The following SLC12A8 variants were observed in gnomAD, a reference collection of about 807,000 sequenced individuals.
SLC12A8 encodes cation-chloride cotransporter 9.
SLC12A8 carries 69 observed loss-of-function variants against 75.6 expected under a neutral mutation model. That is an observed-to-expected ratio of 0.91 (90% CI 0.75 to 1.11). SLC12A8 has a LOEUF of 1.11. SLC12A8 is among the 50% of genes most tolerant of loss of function. The probability of loss-of-function intolerance (pLI) is 0.00; values close to 1 mark genes in which losing one functional copy is unlikely to be tolerated. For missense variants in SLC12A8, 877 were observed against 896.7 expected (o/e 0.98, Z 0.28); for synonymous variants, 365 against 372.8 (o/e 0.98, Z 0.24).
chr3:125,138,357 C>G (rs1933545109), intron 5 of SLC12A8, among the ~76,000 whole-genome samples: 1 of 152,118 alleles, frequency 6.6e-6, no homozygotes, highest in Admixed American at 6.5e-5. Context: ...GCCAAGATTG[C>G]ACCACTGCAG....
intron 2 of SLC12A8, among the ~76,000 whole-genome samples, chr3:125,194,766 C>T (rs965586431): frequency 6.6e-6 from 1 of 152,246 alleles, no homozygotes; most frequent in African/African-American, 2.4e-5. Context: ...TCCCAAAGTG[C>T]ACCTGCAGAG....
At chr3:125,196,404 T>C (rs1935009421) in intron 2 of SLC12A8, among the ~76,000 whole-genome samples, 1 of 152,216 alleles carries the variant, frequency 6.6e-6, no homozygotes, top group South Asian at 2.1e-4. Context: ...AATTACCAAT[T>C]CTAAATCTGC....
chr3:125,104,408 C>T (rs1001053661), intron 10 of SLC12A8, among the ~76,000 whole-genome samples: 5 of 151,134 alleles, frequency 3.3e-5, no homozygotes, highest in Non-Finnish European at 7.4e-5. Context: ...CATGTCCAGC[C>T]TCAGAAAAAA....
intron 5 of SLC12A8, among the ~76,000 whole-genome samples, chr3:125,163,815 A>G (rs1214603286): frequency 1.3e-5 from 2 of 152,214 alleles, no homozygotes; most frequent in Non-Finnish European, 2.9e-5. Flanking sequence ...CCAAGGATGC[A>G]GAGGGCTGGG....
At chr3:125,130,967 C>T (rs752931850) in intron 6 of SLC12A8, among the ~76,000 whole-genome samples, 2 of 152,222 alleles carry the variant, frequency 1.3e-5, no homozygotes, top group Non-Finnish European at 2.9e-5. Flanking sequence ...TAAATGCTAA[C>T]CTGGTATCTT....
In SLC12A8 at chr3:125,108,057, CA is replaced by C; in HGVS notation, c.1128del (p.Phe376LeufsTer5). ...LTSLVTMAFV[F>X]VGQVNVLAPI... is the part of the protein sequence containing the mutation. Reference sequence around the variant, plus strand: ...GGGGCCAGAACGTTCACTTGACCCACAAAAACAAAGGCCATGGTCACCAAGC... The same window carrying C: ...GGGGCCAGAACGTTCACTTGACCCACAAAACAAAGGCCATGGTCACCAAGC... On this transcript the variant is annotated frameshift_variant, in exon 10 of 14. Transcript: ENST00000469902. LOFTEE classifies it high-confidence loss of function. The C allele has an allele frequency of 6.2e-7, 1 of 1,614,212 alleles. No homozygotes were observed. The highest frequency in any genetic ancestry group is 8.5e-7 in the Non-Finnish European group (1 of 1,180,038).
At position 125,093,921 on chromosome 3, in the gene SLC12A8, A is replaced by G. The variant is rs150962181; in HGVS notation, c.1706-1723T>C. 4.5e-4 allele frequency among the ~76,000 whole-genome samples: 68 copies of G among 152,200 alleles called. No individual in the cohort carries two copies. In the Middle Eastern group the frequency reaches 0.017, roughly 38 times the overall value. ...GTCATTCTTCTCTTGCTTGTTAAAT[A>G]TTTCAGCCCCTGGTTCACCATCTTT... On this transcript the variant is annotated intron_variant, in intron 10 of 13. Transcript: ENST00000469902.
chr3:125,206,320 T>C (rs1935225492), intron 2 of SLC12A8, among the ~76,000 whole-genome samples: 2 of 152,208 alleles, frequency 1.3e-5, no homozygotes, highest in South Asian at 4.1e-4. Flanking sequence ...TCTAACCTGG[T>C]TCTGCCTTCT....
At chr3:125,095,021 T>G (rs1938679636) in intron 10 of SLC12A8, among the ~76,000 whole-genome samples, 1 of 152,216 alleles carries the variant, frequency 6.6e-6, no homozygotes, top group Non-Finnish European at 1.5e-5. Context: ...CGCCTCCTCC[T>G]TCCAACCTGA....
intron 4 of SLC12A8, among the ~76,000 whole-genome samples, chr3:125,179,800 A>G (rs754396486): frequency 1.3e-5 from 2 of 152,198 alleles, no homozygotes; most frequent in Admixed American, 1.3e-4. Context: ...TCTTTACTAA[A>G]CACCAAGAGT....
intron 5 of SLC12A8, among the ~76,000 whole-genome samples, chr3:125,149,662 C>T (rs1933870963): frequency 6.6e-6 from 1 of 151,912 alleles, no homozygotes; most frequent in Non-Finnish European, 1.5e-5. Context: ...AGTCAAAGAA[C>T]ATGCTTTGCT....
At chr3:125,186,373 C>T (rs897429385) in intron 4 of SLC12A8, among the ~76,000 whole-genome samples, 6 of 152,208 alleles carry the variant, frequency 3.9e-5, no homozygotes, top group South Asian at 2.1e-4. Context: ...CTGTGCTGTT[C>T]GAGAATCAGA....
chr3:125,100,003 CAG>C (rs1200454033), intron 10 of SLC12A8, among the ~76,000 whole-genome samples: 1 of 151,964 alleles, frequency 6.6e-6, no homozygotes, highest in Non-Finnish European at 1.5e-5. Context: ...AGCACAGTAA[CAG>C]AAATGAAAAA....
At position 125,164,145 on chromosome 3, in the gene SLC12A8, C is replaced by T. The variant is rs141901973; in HGVS notation, c.622+13598G>A. Among the ~76,000 whole-genome samples the T allele has an allele frequency of 1.5e-3, 226 of 152,292 alleles. 2 individuals are homozygous for T. The highest frequency in any genetic ancestry group is 5.1e-3 in the African/African-American group (213 of 41,568). ...CGGAGACTGGCAGGTTCTCAGACCC[C>T]CTTGATCCGAAAGGAGAAAGGAAGC... On this transcript the variant is annotated intron_variant, in intron 5 of 13. Transcript: ENST00000469902.
At chr3:125,116,903 G>C (rs566469460) in intron 8 of SLC12A8, among the ~76,000 whole-genome samples, 1 of 152,164 alleles carries the variant, frequency 6.6e-6, no homozygotes, top group African/African-American at 2.4e-5. Flanking sequence ...TCCACAACTA[G>C]AGAACAGGCC....
At chr3:125,203,664 G>A (rs1230448684) in intron 2 of SLC12A8, among the ~76,000 whole-genome samples, 1 of 152,176 alleles carries the variant, frequency 6.6e-6, no homozygotes, top group Non-Finnish European at 1.5e-5. Context: ...GCATGCTTTG[G>A]GACATTGGTT....
intron 2 of SLC12A8, among the ~76,000 whole-genome samples, chr3:125,197,976 G>C (rs1935037159): frequency 6.6e-6 from 1 of 152,192 alleles, no homozygotes; most frequent in South Asian, 2.1e-4. Context: ...AGTAACTTTA[G>C]AGGGGATTAA....
At chr3:125,167,842 C>T (rs963308285) in intron 5 of SLC12A8, among the ~76,000 whole-genome samples, 8 of 152,108 alleles carry the variant, frequency 5.3e-5, no homozygotes, top group Non-Finnish European at 5.9e-5. Flanking sequence ...ACACGTTTTG[C>T]GGAGAATTGT....
chr3:125,151,708 T>C (rs926426573), intron 5 of SLC12A8, among the ~76,000 whole-genome samples: 7 of 152,240 alleles, frequency 4.6e-5, no homozygotes, highest in African/African-American at 1.7e-4. Flanking sequence ...CTTACGTTTA[T>C]TTAGAATCTT....
Sources: allele counts gnomAD v4.1 joint callset (sites outside exome capture counted in the v4.1 genomes callset), GRCh38; gene constraint gnomAD v4.1.1; transcripts MANE v1.5; gene names NCBI Gene and HGNC (gene_info 2026-07-23, HGNC 2026-07-21).